HDAC4: variants seen among roughly 807,000 people sequenced by gnomAD.
The protein encoded by HDAC4 is histone deacetylase 4.
A neutral mutation model predicts 135.1 loss-of-function variants in HDAC4; 16 were observed. The ratio of observed to expected loss-of-function variants is 0.12; its 90% CI spans 0.08 to 0.18. The LOEUF (loss-of-function observed/expected upper bound fraction) is 0.18. Among genes scored for constraint, HDAC4 ranks in the 10% least tolerant of loss-of-function variants. The pLI, the probability that HDAC4 is intolerant of heterozygous loss-of-function variation, is 1.00. For synonymous variants in HDAC4, 685 were observed against 653.4 expected, an observed-to-expected ratio of 1.05 and a Z score of -0.74; for missense variants, 1,143 against 1,511.8, an observed-to-expected ratio of 0.76 and a Z score of 4.05.
At chr2:239,231,978 T>A (rs1258955278) in intron 3 of HDAC4, among the ~76,000 whole-genome samples, 1 of 108,454 alleles carries the variant, frequency 9.2e-6, no homozygotes, top group Non-Finnish European at 2.0e-5. Flanking sequence ...ATGCCTGAGG[T>A]AGGCGTCCTC....
rs958168441 is a variant in HDAC4, at chr2:239,306,266, T to C, written c.22+46412A>G. On this transcript the variant is annotated intron_variant, in intron 2 of 26. Coordinates refer to ENST00000543185, the MANE Select transcript of HDAC4 (RefSeq NM_001378414.1). This position sits in a 1 kb window ranked among gnomAD's most constrained non-coding sequence, Gnocchi z 4.5. ...TCATACATTTAGAAGGCAAAAAAAG[T>C]TCATCTTTCTAGTGATTCCAGGAGC... 6.6e-6 allele frequency among the ~76,000 whole-genome samples: 1 copy of C among 152,226 alleles called. No homozygotes were observed. Among genetic ancestry groups the C allele is most frequent in the Middle Eastern group, 3.4e-3 (1 of 294 alleles).
intron 2 of HDAC4, among the ~76,000 whole-genome samples, chr2:239,301,791 T>C (rs2052287078): frequency 6.6e-6 from 1 of 152,154 alleles, no homozygotes. Flanking sequence ...TATTTCTTTC[T>C]TTATGAAAAA....
chr2:239,113,205 GCACCACTGCACTCTAGC>G (rs753424856), intron 13 of HDAC4, among the ~76,000 whole-genome samples: 1 of 152,208 alleles, frequency 6.6e-6, no homozygotes, highest in Non-Finnish European at 1.5e-5. Context: ...AGCTGAGATG[GCACCACTGCACTCTAGC>G]CTGGGCAACA....
chr2:239,393,275 G>A (rs1696351779), intron 1 of HDAC4, among the ~76,000 whole-genome samples: 1 of 152,226 alleles, frequency 6.6e-6, no homozygotes, highest in Non-Finnish European at 1.5e-5. Context: ...GCATCTGAAT[G>A]GGCCTGCCTC....
intron 1 of HDAC4, among the ~76,000 whole-genome samples, chr2:239,387,694 A>G (rs1695916383): frequency 6.6e-6 from 1 of 152,236 alleles, no homozygotes; most frequent in African/African-American, 2.4e-5. Context: ...ACCGAGGCTT[A>G]GAGCGGTTGG....
Position 239,331,071 on chromosome 2 carries a change from T to C in HDAC4, c.22+21607A>G, listed in dbSNP as rs1252731158. ...GAGTGGGGAGGAAGGCAGATATGCC[T>C]GAATACAGCCCAGAGGACATACTGA... is the stretch of plus-strand genomic sequence containing the variant. On this transcript the variant is annotated intron_variant, in intron 2 of 26. Coordinates refer to ENST00000543185, the MANE Select transcript of HDAC4 (RefSeq NM_001378414.1). This position sits in a 1 kb window ranked among gnomAD's most constrained non-coding sequence, Gnocchi z 4.5. Among the ~76,000 whole-genome samples the C allele has an allele frequency of 6.6e-6, 1 of 152,180 alleles. No homozygotes were observed. The highest frequency in any genetic ancestry group is 1.5e-5 in the Non-Finnish European group (1 of 68,048).
At chr2:239,213,182 A>G (rs1230517331) in intron 3 of HDAC4, among the ~76,000 whole-genome samples, 1 of 140,812 alleles carries the variant, frequency 7.1e-6, no homozygotes, top group Admixed American at 7.0e-5. Context: ...GAGGAGGAGG[A>G]GGGCTTAGCA....
chr2:239,378,999 C>G (rs1369983793), intron 1 of HDAC4, among the ~76,000 whole-genome samples: 2 of 152,266 alleles, frequency 1.3e-5, no homozygotes, highest in African/African-American at 4.8e-5. Flanking sequence ...TGGCACACAG[C>G]AGAATCTTCA....
intron 2 of HDAC4, among the ~76,000 whole-genome samples, chr2:239,318,626 T>C (rs1435709530): frequency 6.6e-6 from 1 of 150,838 alleles, no homozygotes; most frequent in Non-Finnish European, 1.5e-5. Context: ...TGAGGCAACA[T>C]GGCCTGGATT....
intron 17 of HDAC4, 74 bp from the exon 18 acceptor site, chr2:239,090,190 A>G (rs2036376560): frequency 9.1e-7 from 1 of 1,101,770 alleles, no homozygotes; most frequent in Non-Finnish European, 1.4e-6. Context: ...TGGGCAGAGC[A>G]GCTCAGGTTC....
At chr2:239,054,278 C>A (rs2031415292) in intron 25 of HDAC4, among the ~76,000 whole-genome samples, 1 of 152,118 alleles carries the variant, frequency 6.6e-6, no homozygotes, top group African/African-American at 2.4e-5. Context: ...GCGTGCCACG[C>A]CCTTGCACCC....
rs1269508475 is a variant in HDAC4, at chr2:239,090,447, T to C, written c.2281-331A>G. Among the ~76,000 whole-genome samples, 3 of 151,648 alleles carry C rather than the reference T, an allele frequency of 2.0e-5. No homozygotes were observed. The East Asian group carries it at 5.8e-4, about 29-fold the overall frequency. On this transcript the variant is annotated intron_variant, in intron 17 of 26. Coordinates refer to ENST00000543185, the MANE Select transcript of HDAC4 (RefSeq NM_001378414.1). ...ATCTATTTCCTTTTTTTTTTTTTTT[T>C]TTTTAACTGGAACTGTAGTTAAGAG...
intron 2 of HDAC4, among the ~76,000 whole-genome samples, chr2:239,301,340 G>A (rs534773723): frequency 1.3e-5 from 2 of 152,258 alleles, no homozygotes; most frequent in East Asian, 1.9e-4. Flanking sequence ...CTGAGTCCTC[G>A]ATCTGCTCTC....
At chr2:239,269,713 A>G (rs906678278) in intron 2 of HDAC4, among the ~76,000 whole-genome samples, 1 of 152,204 alleles carries the variant, frequency 6.6e-6, no homozygotes, top group East Asian at 1.9e-4. Context: ...CCGTGTGTTC[A>G]GAGGCTGAGT....
At chr2:239,363,509 T>A (rs1214607372) in intron 1 of HDAC4, among the ~76,000 whole-genome samples, 1 of 152,222 alleles carries the variant, frequency 6.6e-6, no homozygotes, top group African/African-American at 2.4e-5. Flanking sequence ...GTCTTTTCAA[T>A]ATGCAGTGCT....
chr2:239,111,243 T>C (rs2038643316), intron 14 of HDAC4, among the ~76,000 whole-genome samples: 1 of 152,232 alleles, frequency 6.6e-6, no homozygotes, highest in Admixed American at 6.5e-5. Flanking sequence ...CCCACGGGCA[T>C]GGGCTGTGGA....
intron 1 of HDAC4, among the ~76,000 whole-genome samples, chr2:239,372,741 A>C (rs1348664462): frequency 6.6e-6 from 1 of 152,078 alleles, no homozygotes; most frequent in East Asian, 1.9e-4. Flanking sequence ...CCACCATCAA[A>C]CACCCAACAG....
rs1190739186 is a variant in HDAC4 at position 239,303,719 on chromosome 2, G to A, written c.22+48959C>T. Among the ~76,000 whole-genome samples, 1 of 151,978 alleles carries A rather than the reference G, an allele frequency of 6.6e-6. No homozygotes were observed. The highest frequency in any genetic ancestry group is 1.5e-5 in the Non-Finnish European group (1 of 68,014). ...TAAAACTTGCTCACTTGTAAACAAC[G>A]TCGGGCAGCAACTGCAGGCCTCACC... is the stretch of plus-strand genomic sequence containing the variant. On this transcript the variant is annotated intron_variant, in intron 2 of 26. Coordinates refer to ENST00000543185, the MANE Select transcript of HDAC4 (RefSeq NM_001378414.1). This position sits in a 1 kb window ranked among gnomAD's most constrained non-coding sequence, Gnocchi z 5.1.
At chr2:239,371,268 C>T (rs1304217991) in intron 1 of HDAC4, among the ~76,000 whole-genome samples, 1 of 152,190 alleles carries the variant, frequency 6.6e-6, no homozygotes, top group Non-Finnish European at 1.5e-5. Context: ...AACTCACACA[C>T]TCAATCACAT....
Sources: allele counts gnomAD v4.1 joint callset (sites outside exome capture counted in the v4.1 genomes callset), GRCh38; gene constraint gnomAD v4.1.1; non-coding constraint Gnocchi (gnomAD v3.1); transcripts MANE v1.5; gene names NCBI Gene and HGNC (gene_info 2026-07-23, HGNC 2026-07-21).